Variants in KIF9 observed in about 807,000 individuals in gnomAD.
KIF9 encodes kinesin-like protein KIF9.
Under a neutral mutation model 94.8 loss-of-function variants are expected in KIF9, and 68 were observed. That is an observed-to-expected ratio of 0.72 (90% CI 0.59 to 0.88). The LOEUF (loss-of-function observed/expected upper bound fraction) is 0.88, where lower values mean the gene tolerates loss of function less well. KIF9 is among the 40% of genes least tolerant of loss of function. The probability of loss-of-function intolerance (pLI) is 0.00; values close to 1 mark genes in which losing one functional copy is unlikely to be tolerated. For synonymous variants in KIF9, 343 were observed against 362.1 expected (o/e 0.95, Z 0.60); for missense variants, 882 against 982.5 (o/e 0.90, Z 1.37).
chr3:47,278,409 T>C (rs1358396128), intron 1 of KIF9, among the ~76,000 whole-genome samples: 1 of 152,184 alleles, frequency 6.6e-6, no homozygotes. Context: ...TTTCATTGTT[T>C]TATTTTTGGA....
intron 10 of KIF9, among the ~76,000 whole-genome samples, chr3:47,251,769 C>A (rs1473007087): frequency 6.6e-6 from 1 of 152,196 alleles, no homozygotes; most frequent in Non-Finnish European, 1.5e-5. Flanking sequence ...CTGCAGCTTG[C>A]CAGTGTATCT....
Position 47,282,746 on chromosome 3 carries a change from C to T in KIF9, c.-257G>A, listed in dbSNP as rs1402714228. 2 of 1,422,340 alleles carry T rather than the reference C, an allele frequency of 1.4e-6. No homozygotes were observed. The highest frequency in any genetic ancestry group is 1.8e-6 in the Non-Finnish European group (2 of 1,091,844). The allele number at this position is 1,422,340 out of a possible 1,614,324, so 88.1% of individuals were successfully genotyped here. ...AGAAAGACTTCGGCGGATGCACATG[C>T]GAAGTCAAGGTCGAGATAGCGAGGG... is the stretch of plus-strand genomic sequence containing the variant. On this transcript the variant is annotated 5_prime_UTR_variant, in exon 1 of 21. Transcript: ENST00000684063.
At chr3:47,242,333 A>G (rs1323934682) in intron 16 of KIF9, among the ~76,000 whole-genome samples, 1 of 152,206 alleles carries the variant, frequency 6.6e-6, no homozygotes, top group Non-Finnish European at 1.5e-5. Context: ...AATTGGATTG[A>G]TGTGGGCAAC....
At chr3:47,256,223 C>T (rs866125153) in intron 10 of KIF9, among the ~76,000 whole-genome samples, 9 of 152,142 alleles carry the variant, frequency 5.9e-5, no homozygotes, top group African/African-American at 1.9e-4. Flanking sequence ...GGCCGCCCAT[C>T]GTCTGGGATG....
At chr3:47,265,615 G>T in intron 8 of KIF9, 115 bp downstream of exon 8, 1 of 1,093,766 alleles carries the variant, frequency 9.1e-7, no homozygotes, top group Admixed American at 2.3e-5. Flanking sequence ...TGCTGCAGGT[G>T]AATCCATGCC....
intron 2 of KIF9, among the ~76,000 whole-genome samples, chr3:47,275,720 G>A (rs184945302): frequency 6.6e-6 from 1 of 152,326 alleles, no homozygotes; most frequent in Non-Finnish European, 1.5e-5. Flanking sequence ...TCTAGTTTTA[G>A]CACCTCTAAC....
chr3:47,274,314 C>T (rs1056088410), intron 3 of KIF9, among the ~76,000 whole-genome samples: 1 of 152,198 alleles, frequency 6.6e-6, no homozygotes, highest in African/African-American at 2.4e-5. Context: ...TTAGGTCTAC[C>T]ATCACCACCA....
intron 10 of KIF9, chr3:47,250,387 C>T (rs1331754560): frequency 4.9e-6 from 1 of 203,144 alleles, no homozygotes; most frequent in Admixed American, 5.5e-5. Flanking sequence ...CTCCCCTATT[C>T]CCATCAGACT....
At chr3:47,237,596 C>T (rs1699128606) in intron 17 of KIF9, among the ~76,000 whole-genome samples, 1 of 152,162 alleles carries the variant, frequency 6.6e-6, no homozygotes, top group South Asian at 2.1e-4. Context: ...GCTCACAGCA[C>T]CTGAAAGCTT....
Position 47,247,412 on chromosome 3 carries a change from C to T in KIF9, c.1194G>A (p.Gln398=), listed in dbSNP as rs533719411. The stretch of plus-strand genomic sequence containing the variant: ...GTGTCCCCTCCAGGTACCTCCGCAC[C>T]TGGGAGTTGATCTCAGCAATCTGGA... ...DEIQIAEINS[Q]VRRYLEGTLD... The change falls in exon 12 of 21, where the codon CAG becomes CAA. Residue 398 remains glutamine (Q), a synonymous_variant. Transcript: ENST00000684063. 5 of 1,613,776 alleles carry T rather than the reference C, an allele frequency of 3.1e-6. No individual in the cohort carries two copies. The highest frequency in any genetic ancestry group is 4.2e-6 in the Non-Finnish European group (5 of 1,179,798).
At chr3:47,241,221 G>A (rs1699454873) in intron 16 of KIF9, among the ~76,000 whole-genome samples, 1 of 152,116 alleles carries the variant, frequency 6.6e-6, no homozygotes, top group South Asian at 2.1e-4. Flanking sequence ...TATGCCCATG[G>A]CAGAAAGTGA....
intron 2 of KIF9, among the ~76,000 whole-genome samples, chr3:47,276,326 C>A (rs369272769): frequency 6.6e-6 from 1 of 152,098 alleles, no homozygotes; most frequent in African/African-American, 2.4e-5. Flanking sequence ...GAGGCCGTGG[C>A]AGGTAGATCA....
chr3:47,233,158 T>C (rs12491254), intron 20 of KIF9, among the ~76,000 whole-genome samples: 143,813 of 150,246 alleles, frequency 0.96, 69,142 homozygotes, highest in Non-Finnish European at 1. Flanking sequence ...GTCAGGAGTT[T>C]GAGACCAGCC....
In KIF9 at chr3:47,246,245, C is replaced by T. The variant is rs1459494429; in HGVS notation, c.1241G>A (p.Ser414Asn). ...EGTLDEIDII[S>N]LRQIKEVFNQ... ...GAACACCTCCTTGATCTGTCTAAGG[C>T]TGATTATCTGGAGGGAAGACAGCAA... The change falls in exon 13 of 21, where the codon AGC (serine) becomes AAC (asparagine). Residue 414 changes from serine (S) to asparagine (N), a missense_variant. By Grantham distance (46) the Ser-to-Asn change is conservative (BLOSUM62 1). Transcript: ENST00000684063. The T allele has an allele frequency of 2.5e-6, 4 of 1,611,916 alleles. No individual in the cohort carries two copies. The highest frequency in any genetic ancestry group is 1.3e-5 in the African/African-American group (1 of 74,870).
At chr3:47,267,460 G>A (rs906350555) in intron 5 of KIF9, among the ~76,000 whole-genome samples, 197 bp from the exon 6 acceptor site, 3 of 152,216 alleles carry the variant, frequency 2.0e-5, no homozygotes, top group Non-Finnish European at 2.9e-5. Context: ...TTCACCCGCC[G>A]CTGGGGAAGT....
At position 47,247,910 on chromosome 3, in the gene KIF9, G is replaced by A. The variant is rs41290654; in HGVS notation, c.1128+108C>T. 6,513 of 660,016 alleles carry A rather than the reference G, an allele frequency of 9.9e-3. 48 individuals carry two copies. The highest frequency in any genetic ancestry group is 0.013 in the Non-Finnish European group (4,900 of 375,026). The allele number at this position is 660,016 out of a possible 1,614,324, so 40.9% of individuals were successfully genotyped here. A position where few individuals can be genotyped will look rare whatever the true frequency, so the allele number is the denominator to read the frequency against. ...GCCACTGAGCCTGCCCCCCAACCCC[G>A]CCCACCATTGGCCTTGACCCATGAT... On this transcript the variant is annotated intron_variant, in intron 11 of 20. Coordinates refer to ENST00000684063, the MANE Select transcript of KIF9 (RefSeq NM_182902.4).
In KIF9 at chr3:47,243,062, T is replaced by A. The variant is rs115767388; in HGVS notation, c.1698A>T (p.Leu566Phe). The A allele has an allele frequency of 1.9e-4, 298 of 1,606,278 alleles. No homozygotes were observed. Among genetic ancestry groups the A allele is most frequent in the Non-Finnish European group, 2.5e-4 (293 of 1,173,464 alleles). The change falls in exon 16 of 21, where the codon TTA becomes TTT. Residue 566 changes from leucine to phenylalanine, a missense_variant. Physicochemically the swap from Leu to Phe is conservative, Grantham distance 22 (BLOSUM62 0). Transcript: ENST00000684063. ...PLPSDSPKEELRPIRPDTPPS... is the reference protein window; with the variant it reads ...PLPSDSPKEEFRPIRPDTPPS... ...CATTAGCTGATTACCTAATTGGGCG[T>A]AATTCCTCCTTCGGGGAGTCTGAGG...
At chr3:47,268,795 G>A (rs1270526270) in intron 5 of KIF9, among the ~76,000 whole-genome samples, 1 of 152,024 alleles carries the variant, frequency 6.6e-6, no homozygotes, top group Non-Finnish European at 1.5e-5. Context: ...ATGTTGCTCA[G>A]ACTGGTCTTA....
At chr3:47,273,436 T>G in intron 4 of KIF9, 116 bp downstream of exon 4, 1 of 728,036 alleles carries the variant, frequency 1.4e-6, no homozygotes, top group Non-Finnish European at 2.3e-6. Flanking sequence ...CAGTATCCAC[T>G]GCAACTCCTT....
Sources: allele counts gnomAD v4.1 joint callset (sites outside exome capture counted in the v4.1 genomes callset), GRCh38; gene constraint gnomAD v4.1.1; transcripts MANE v1.5; gene names NCBI Gene and HGNC (gene_info 2026-07-23, HGNC 2026-07-21).